The following ZFHX3 variants were observed in gnomAD, a reference collection of about 807,000 sequenced individuals.
The protein encoded by ZFHX3 is zinc finger homeobox 3, also known as zinc finger homeobox protein 3.
ZFHX3 carries 42 observed loss-of-function variants against 279.1 expected under a neutral mutation model. The observed-to-expected ratio is 0.15, with a 90% CI of 0.12 to 0.19. ZFHX3 has a LOEUF of 0.19. Ranked by LOEUF, ZFHX3 falls within the 10% of genes least tolerant of loss-of-function variation. The pLI is 1.00. For missense variants in ZFHX3, 4,981 were observed against 4,754.0 expected, an observed-to-expected ratio of 1.05 and a Z score of -1.40; for synonymous variants, 2,293 against 1,957.8, an observed-to-expected ratio of 1.17 and a Z score of -4.52.
chr16:73,073,254 A>C (rs1227712087), intron 8 of ZFHX3, among the ~76,000 whole-genome samples: 1 of 152,152 alleles, frequency 6.6e-6, no homozygotes, highest in Non-Finnish European at 1.5e-5. Flanking sequence ...CCTGGCAGCC[A>C]GTCAGAAGAG....
intron 3 of ZFHX3, among the ~76,000 whole-genome samples, chr16:73,391,696 G>C (rs971360303): frequency 6.6e-6 from 1 of 152,166 alleles, no homozygotes; most frequent in African/African-American, 2.4e-5. Flanking sequence ...ATGATGGACA[G>C]GGAGGGACAT....
chr16:73,322,183 C>G (rs937056141), intron 3 of ZFHX3, among the ~76,000 whole-genome samples: 2 of 152,086 alleles, frequency 1.3e-5, no homozygotes, highest in Non-Finnish European at 2.9e-5. Flanking sequence ...CCAGCCTGGT[C>G]TGCATAATGA....
At chr16:73,739,554 A>G (rs2053635873) in intron 1 of ZFHX3, among the ~76,000 whole-genome samples, 1 of 152,120 alleles carries the variant, frequency 6.6e-6, no homozygotes, top group African/African-American at 2.4e-5. Flanking sequence ...CTGGAGCTCC[A>G]TGGGCACACC....
chr16:72,945,820 AG>A (rs1960641805), intron 3 of ZFHX3, among the ~76,000 whole-genome samples: 1 of 152,104 alleles, frequency 6.6e-6, no homozygotes. Flanking sequence ...CGGTCCCCAA[AG>A]GATGTATGCT....
chr16:73,041,570 C>T (rs551568359), intron 1 of ZFHX3, among the ~76,000 whole-genome samples: 2 of 152,180 alleles, frequency 1.3e-5, no homozygotes, highest in South Asian at 4.1e-4. Context: ...TCATCAATGC[C>T]CATCTCAATT....
At chr16:72,964,198 C>G (rs1244990541) in intron 1 of ZFHX3, among the ~76,000 whole-genome samples, 9 of 152,136 alleles carry the variant, frequency 5.9e-5, no homozygotes, top group Non-Finnish European at 1.3e-4. Flanking sequence ...AACAATTCCC[C>G]GTTCTAGGAA....
chr16:73,513,527 T>C (rs1400715812), intron 2 of ZFHX3, among the ~76,000 whole-genome samples: 2 of 152,172 alleles, frequency 1.3e-5, no homozygotes, highest in African/African-American at 4.8e-5. Flanking sequence ...TATGTTGATG[T>C]GAACTATACA....
At chr16:73,265,554 G>A (rs1315282196) in intron 4 of ZFHX3, among the ~76,000 whole-genome samples, 1 of 152,132 alleles carries the variant, frequency 6.6e-6, no homozygotes, top group African/African-American at 2.4e-5. Context: ...CACGCAGTTT[G>A]GAGCAAAGTG....
In ZFHX3 at chr16:73,103,802, C is replaced by T. The variant is rs540278590; in HGVS notation, c.-896-10204G>A. Among the ~76,000 whole-genome samples, 23 of 152,192 alleles carry T rather than the reference C, an allele frequency of 1.5e-4. 1 individual carries two copies. Among genetic ancestry groups the T allele is most frequent in the Middle Eastern group, 3.4e-3 (1 of 294 alleles). On this transcript the variant is annotated intron_variant, in intron 7 of 17. Transcript: ENST00000641206. ...TAACAGTCTGGTGGAGACTTTTATC[C>T]GTAGGCCTCTTTACAGAGACATTTT...
intron 3 of ZFHX3, among the ~76,000 whole-genome samples, chr16:72,905,647 A>G (rs909296542): frequency 3.3e-5 from 5 of 152,152 alleles, no homozygotes; most frequent in Admixed American, 2.6e-4. Context: ...TGTTCACCAC[A>G]CACACCTTTG....
At chr16:73,244,080 T>G (rs1207357027) in intron 5 of ZFHX3, among the ~76,000 whole-genome samples, 1 of 152,138 alleles carries the variant, frequency 6.6e-6, no homozygotes, top group African/African-American at 2.4e-5. Context: ...GCTTGTGAAA[T>G]CAGGACTTGG....
intron 3 of ZFHX3, among the ~76,000 whole-genome samples, chr16:73,335,605 A>G (rs1312204400): frequency 6.6e-6 from 1 of 152,220 alleles, no homozygotes; most frequent in Admixed American, 6.5e-5. Flanking sequence ...TCAGGGTATC[A>G]GTCACCTTTG....
At chr16:73,306,055 C>T (rs1347490865) in intron 4 of ZFHX3, among the ~76,000 whole-genome samples, 4 of 152,184 alleles carry the variant, frequency 2.6e-5, no homozygotes, top group South Asian at 4.1e-4. Context: ...TCTCAGGTGA[C>T]GCTGACGCGA....
intron 5 of ZFHX3, among the ~76,000 whole-genome samples, chr16:73,235,582 T>G (rs775032464): frequency 6.6e-6 from 1 of 152,104 alleles, no homozygotes; most frequent in African/African-American, 2.4e-5. Flanking sequence ...GGTCACCTGA[T>G]GTATGGGGGA....
chr16:73,639,873 A>C (rs2052558908), intron 2 of ZFHX3, among the ~76,000 whole-genome samples: 2 of 152,230 alleles, frequency 1.3e-5, no homozygotes, highest in Non-Finnish European at 2.9e-5. Flanking sequence ...AAGCCATGAT[A>C]AGAGTATTAA....
chr16:73,185,990 C>T (rs964043676), intron 5 of ZFHX3, among the ~76,000 whole-genome samples: 10 of 152,104 alleles, frequency 6.6e-5, no homozygotes, highest in African/African-American at 2.4e-4. Context: ...CTCATAGGAG[C>T]GCAAACCCTT....
intron 1 of ZFHX3, among the ~76,000 whole-genome samples, chr16:73,784,205 C>G (rs1401895738): frequency 1.3e-5 from 2 of 152,086 alleles, no homozygotes; most frequent in Non-Finnish European, 2.9e-5. Context: ...ATTACTTAAC[C>G]TCTCTGAACT....
intron 1 of ZFHX3, among the ~76,000 whole-genome samples, chr16:73,756,646 G>T (rs1432782905): frequency 6.6e-6 from 1 of 152,116 alleles, no homozygotes; most frequent in African/African-American, 2.4e-5. Context: ...AGAGTTGCAA[G>T]AATAGGATGA....
chr16:72,927,971 C>T (rs746344858), intron 3 of ZFHX3, among the ~76,000 whole-genome samples: 14 of 133,938 alleles, frequency 1.0e-4, no homozygotes, highest in East Asian at 2.0e-4. Flanking sequence ...CTGAAACCCA[C>T]GGCCACTGTG....
Sources: allele counts gnomAD v4.1 joint callset (sites outside exome capture counted in the v4.1 genomes callset), GRCh38; gene constraint gnomAD v4.1.1; transcripts MANE v1.5; gene names NCBI Gene and HGNC (gene_info 2026-07-23, HGNC 2026-07-21).